Variants in CHDH observed in about 807,000 individuals in gnomAD.
The protein encoded by CHDH is choline dehydrogenase, mitochondrial.
In CHDH, 43 loss-of-function variants were observed where a neutral mutation model predicts 56.9. The ratio of observed to expected loss-of-function variants is 0.76; its 90% CI spans 0.59 to 0.97. CHDH has a LOEUF of 0.97. Among genes scored for constraint, CHDH ranks in the 50% least tolerant of loss-of-function variants. The probability of loss-of-function intolerance (pLI) is 0.00; values close to 1 mark genes in which losing one functional copy is unlikely to be tolerated. For synonymous variants in CHDH, 364 were observed against 348.5 expected, an observed-to-expected ratio of 1.04 and a Z score of -0.50; for missense variants, 816 against 821.1, an observed-to-expected ratio of 0.99 and a Z score of 0.08.
chr3:53,833,535 C>T (rs1351851762), intron 2 of CHDH, among the ~76,000 whole-genome samples: 3 of 152,194 alleles, frequency 2.0e-5, no homozygotes, highest in African/African-American at 7.2e-5. Flanking sequence ...GAAGGAGCTG[C>T]CTGGCATTGG....
Position 53,814,533 on chromosome 3 carries a change from C to G in CHDH, c.*3244G>C, listed in dbSNP as rs2095612424. Reference sequence around the variant, plus strand: ...TGTGAGGGCAGCCTGAGCCACTAAACAGGTCCAGTAGAGATGGTATTTTAT... The same window carrying G: ...TGTGAGGGCAGCCTGAGCCACTAAAGAGGTCCAGTAGAGATGGTATTTTAT... On this transcript the variant is annotated 3_prime_UTR_variant, in exon 9 of 9. Coordinates refer to ENST00000315251, the MANE Select transcript of CHDH (RefSeq NM_018397.5). The G allele has an allele frequency of 6.6e-6, 1 of 152,216 alleles. No homozygotes were observed. The highest frequency in any genetic ancestry group is 6.5e-5 in the Admixed American group (1 of 15,282). 9.4% of individuals were successfully genotyped at this position (152,216 alleles called of 1,614,324 possible). A position where few individuals can be genotyped will look rare whatever the true frequency, so the allele number is the denominator to read the frequency against.
chr3:53,825,738 T>A (rs2095637884), intron 2 of CHDH, among the ~76,000 whole-genome samples: 1 of 152,112 alleles, frequency 6.6e-6, no homozygotes, highest in African/African-American at 2.4e-5. Flanking sequence ...GCTTAGAGCA[T>A]CCCAAGCAGG....
intron 2 of CHDH, among the ~76,000 whole-genome samples, chr3:53,830,091 C>T (rs1233976971): frequency 1.3e-5 from 2 of 151,944 alleles, no homozygotes; most frequent in Non-Finnish European, 2.9e-5. Context: ...TTAAAGATGA[C>T]CTAAATAAAT....
In CHDH at chr3:53,817,751, C is replaced by T. The variant is rs1294049550; in HGVS notation, c.*26G>A. ...CCTCTTGGCTTATCAGGGGGCTTCC[C>T]TGGTCATCCTCCAGCAGCAACTGTC... On this transcript the variant is annotated 3_prime_UTR_variant, in exon 9 of 9. Coordinates refer to ENST00000315251, the MANE Select transcript of CHDH (RefSeq NM_018397.5). 5 of 1,560,040 alleles carry T rather than the reference C, an allele frequency of 3.2e-6. No homozygotes were observed. In the South Asian group the frequency reaches 6.2e-5, roughly 19 times the overall value.
At position 53,817,348 on chromosome 3, in the gene CHDH, CAAG is replaced by C. The variant is rs1169931200; in HGVS notation, c.*426_*428del. 1 of 174,782 alleles carries C rather than the reference CAAG, an allele frequency of 5.7e-6. No individual in the cohort carries two copies. Among genetic ancestry groups the C allele is most frequent in the Non-Finnish European group, 1.2e-5 (1 of 81,650 alleles). The allele number at this position is 174,782 out of a possible 1,614,324, so 10.8% of individuals were successfully genotyped here. ...ACTGCCTCAGCTAAAGCTTGCAGCT[CAAG>C]AAGGAGGATGCCCCTTCCTTCGCGA... On this transcript the variant is annotated 3_prime_UTR_variant, in exon 9 of 9. Coordinates refer to ENST00000315251, the MANE Select transcript of CHDH (RefSeq NM_018397.5).
Position 53,818,083 on chromosome 3 carries a change from CTGAA to C in CHDH, c.1475_1478del (p.Ile492SerfsTer6). ...CAAAGGCATCTATCTCTTTATCTGA[CTGAA>C]TGTGGCTTCCTGGCTGGAGCTCTTT... On this transcript the variant is annotated frameshift_variant, in exon 9 of 9. Coordinates refer to ENST00000315251, the MANE Select transcript of CHDH (RefSeq NM_018397.5). LOFTEE classifies it high-confidence loss of function. 1 of 1,614,220 alleles carries C rather than the reference CTGAA, an allele frequency of 6.2e-7. No individual in the cohort carries two copies. Among genetic ancestry groups the C allele is most frequent in the Non-Finnish European group, 8.5e-7 (1 of 1,180,048 alleles).
rs1252345237 is a variant in CHDH, at chr3:53,823,956, G to A, written c.53C>T (p.Ala18Val). 6.6e-7 allele frequency: 1 copy of A among 1,518,860 alleles called. No individual in the cohort carries two copies. The allele number at this position is 1,518,860 out of a possible 1,614,324, so 94.1% of individuals were successfully genotyped here. Residue 18 changes from alanine to valine, a missense_variant, in exon 3 of 9, where the codon GCC becomes GTC. By Grantham distance (64) the Ala-to-Val change is moderately conservative. Coordinates refer to ENST00000315251, the MANE Select transcript of CHDH (RefSeq NM_018397.5). ...ACCCAGGGATTGCTGCTGCCCCAGG[G>A]CTCCCCGTGCCAGGGCTCCAGGCCG... ...LGRPGALARGALGQQQSLGAR... is the reference protein window; with the variant it reads ...LGRPGALARGVLGQQQSLGAR...
At position 53,837,449 on chromosome 3, in the gene CHDH, A is replaced by C. The variant is rs191030667; in HGVS notation, c.-60+3480T>G. 4.5e-3 allele frequency among the ~76,000 whole-genome samples: 685 copies of C among 152,346 alleles called. 10 individuals are homozygous for C. Among genetic ancestry groups the C allele is most frequent in the Non-Finnish European group, 2.7e-3 (187 of 68,026 alleles). The stretch of plus-strand genomic sequence containing the variant: ...GGGCTGAGGCTACAGGCTGCCAACA[A>C]AACCCGAGGTGGAGCCCTGAAGTCT... On this transcript the variant is annotated intron_variant, in intron 2 of 8. Coordinates refer to ENST00000315251, the MANE Select transcript of CHDH (RefSeq NM_018397.5).
chr3:53,824,230 G>A (rs1298454358), intron 2 of CHDH, among the ~76,000 whole-genome samples, 163 bp from the exon 3 acceptor site: 1 of 152,244 alleles, frequency 6.6e-6, no homozygotes, highest in Admixed American at 6.5e-5. Flanking sequence ...GAACTGTTTT[G>A]TATGTGCCAG....
At chr3:53,837,373 G>A (rs558574164) in intron 2 of CHDH, among the ~76,000 whole-genome samples, 47 of 152,356 alleles carry the variant, frequency 3.1e-4, no homozygotes, top group African/African-American at 1.1e-3. Flanking sequence ...CTGCTCGGGC[G>A]TAGCCCACCT....
chr3:53,843,186 A>AC (rs1402614646), intron 1 of CHDH, among the ~76,000 whole-genome samples: 2 of 36,018 alleles, frequency 5.6e-5, no homozygotes, highest in Non-Finnish European at 2.0e-4. Flanking sequence ...TTCCCCCCCC[A>AC]CCTTTTTTTT....
intron 1 of CHDH, among the ~76,000 whole-genome samples, chr3:53,844,135 C>T (rs975898219): frequency 2.0e-5 from 3 of 152,206 alleles, no homozygotes; most frequent in Non-Finnish European, 4.4e-5. Context: ...GGTATCACCC[C>T]ATCCCTAAGC....
Position 53,819,125 on chromosome 3 carries a change from G to T in CHDH, c.1264-85C>A. 1.1e-6 allele frequency: 1 copy of T among 922,926 alleles called. No individual in the cohort carries two copies. The highest frequency in any genetic ancestry group is 1.7e-6 in the Non-Finnish European group (1 of 589,826). The allele number at this position is 922,926 out of a possible 1,614,324, so 57.2% of individuals were successfully genotyped here. A position where few individuals can be genotyped will look rare whatever the true frequency, so the allele number is the denominator to read the frequency against. ...TCAACCCTGGTTTACCTGTAGGGTG[G>T]GCCTCTGCTTCCAGAATCAGTGGGG... is the stretch of plus-strand genomic sequence containing the variant. On this transcript the variant is annotated intron_variant, in intron 7 of 8. Coordinates refer to ENST00000315251, the MANE Select transcript of CHDH (RefSeq NM_018397.5). This position sits in a 1 kb window ranked among gnomAD's most constrained non-coding sequence, Gnocchi z 5.4.
At position 53,820,554 on chromosome 3, in the gene CHDH, G is replaced by T; in HGVS notation, c.1040C>A (p.Thr347Asn). 1 of 1,614,080 alleles carries T rather than the reference G, an allele frequency of 6.2e-7. No individual in the cohort carries two copies. Among genetic ancestry groups the T allele is most frequent in the Non-Finnish European group, 8.5e-7 (1 of 1,179,976 alleles). Residue 347 changes from threonine (T) to asparagine (N), a missense_variant, in exon 6 of 9, where the codon ACC becomes AAC. Physicochemically the swap from Thr to Asn is moderately conservative, Grantham distance 65. Coordinates refer to ENST00000315251, the MANE Select transcript of CHDH (RefSeq NM_018397.5). ...TGCTGAATGGAGGGTGATAGGGCGG[G>T]TGCATGCCTGCTGAATGTAGATCTC... is the stretch of plus-strand genomic sequence containing the variant. The part of the protein sequence containing the change: ...HLEIYIQQAC[T>N]RPITLHSAQK...
chr3:53,837,032 A>C (rs1483954349), intron 2 of CHDH, among the ~76,000 whole-genome samples: 2 of 152,168 alleles, frequency 1.3e-5, no homozygotes, highest in Admixed American at 6.5e-5. Flanking sequence ...CTAAAAAAAA[A>C]CTTGTTTTTT....
rs1160448274 is a variant in CHDH, at chr3:53,812,938, C to T, written c.*4839G>A. 1.3e-5 allele frequency: 2 copies of T among 152,120 alleles called. No individual in the cohort carries two copies. Among genetic ancestry groups the T allele is most frequent in the African/African-American group, 4.8e-5 (2 of 41,416 alleles). The allele number at this position is 152,120 out of a possible 1,614,324, so 9.4% of individuals were successfully genotyped here. A position where few individuals can be genotyped will look rare whatever the true frequency, so the allele number is the denominator to read the frequency against. ...GGGCTGAAGTTTTCATTAGAATGCA[C>T]TCACACTCTGACTGTACGTCCTGAT... On this transcript the variant is annotated 3_prime_UTR_variant, in exon 9 of 9. Transcript: ENST00000315251.
intron 2 of CHDH, among the ~76,000 whole-genome samples, chr3:53,827,326 C>T (rs2095640809): frequency 6.6e-6 from 1 of 152,178 alleles, no homozygotes; most frequent in Non-Finnish European, 1.5e-5. Flanking sequence ...GCTTCCCCTT[C>T]ACCTTCTGCC....
chr3:53,823,742 G>T lies in CHDH; in HGVS notation c.267C>A (p.His89Gln), dbSNP rs1368065685. The change falls in exon 3 of 9, where the codon CAC becomes CAA. Residue 89 changes from histidine (H) to glutamine (Q), a missense_variant. Transcript: ENST00000315251. ...AGSKRLSWKIHMPAALVANLC... is the reference protein window; with the variant it reads ...AGSKRLSWKIQMPAALVANLC... ...GGTTGGCCACCAGGGCCGCGGGCAT[G>T]TGGATCTTCCACGAGAGCCGCTTGC... 6.4e-7 allele frequency: 1 copy of T among 1,556,256 alleles called. No individual in the cohort carries two copies. Among genetic ancestry groups the T allele is most frequent in the South Asian group, 1.2e-5 (1 of 84,662 alleles).
chr3:53,837,951 C>G (rs922943368), intron 2 of CHDH, among the ~76,000 whole-genome samples: 3 of 150,236 alleles, frequency 2.0e-5, no homozygotes, highest in Non-Finnish European at 4.4e-5. Context: ...CCCAGCTACT[C>G]GAGGCTTAGG....
Sources: gnomAD v4.1 joint callset for allele counts (sites outside exome capture counted in the v4.1 genomes callset) on GRCh38, gnomAD v4.1.1 for gene constraint, Gnocchi (gnomAD v3.1) non-coding constraint, MANE v1.5 for transcripts, NCBI Gene and HGNC (gene_info 2026-07-23, HGNC 2026-07-21) for gene names.